The following PDE9A variants were observed in gnomAD, a reference collection of about 807,000 sequenced individuals.
PDE9A encodes the protein phosphodiesterase 9A, also known as high affinity cGMP-specific 3',5'-cyclic phosphodiesterase 9A.
A neutral mutation model predicts 87.4 loss-of-function variants in PDE9A; 60 were observed. That is an observed-to-expected ratio of 0.69 (90% CI 0.56 to 0.85). PDE9A has a LOEUF of 0.85. Ranked by LOEUF, PDE9A falls within the 40% of genes least tolerant of loss-of-function variation. The pLI is 0.00. For synonymous variants in PDE9A, 272 were observed against 279.4 expected (o/e 0.97, Z 0.27); for missense variants, 665 against 779.0 (o/e 0.85, Z 1.74).
intron 3 of PDE9A, among the ~76,000 whole-genome samples, chr21:42,689,370 C>T (rs571022170): frequency 3.3e-5 from 5 of 152,364 alleles, no homozygotes; most frequent in Admixed American, 3.3e-4. Context: ...TCCAGACTCC[C>T]CGGAAGGTGC....
chr21:42,664,123 G>A (rs1170638630), intron 1 of PDE9A, among the ~76,000 whole-genome samples: 1 of 152,258 alleles, frequency 6.6e-6, no homozygotes, highest in East Asian at 1.9e-4. Flanking sequence ...GGAGTGCCAG[G>A]CTTGGCTTCT....
intron 10 of PDE9A, chr21:42,758,775 T>G: frequency 3.9e-6 from 2 of 511,176 alleles, no homozygotes; most frequent in Non-Finnish European, 7.1e-6. Context: ...CAGTGTGCTC[T>G]CAAACCCCCA....
chr21:42,693,472 G>T (rs944963794), intron 3 of PDE9A, among the ~76,000 whole-genome samples: 8 of 150,676 alleles, frequency 5.3e-5, no homozygotes, highest in African/African-American at 2.0e-4. Flanking sequence ...CTAATTTTTT[G>T]TGTTTTTAGT....
intron 4 of PDE9A, among the ~76,000 whole-genome samples, chr21:42,717,476 G>A (rs1265559783): frequency 6.7e-6 from 1 of 150,190 alleles, no homozygotes; most frequent in African/African-American, 2.4e-5. Context: ...CCCAGGAGGT[G>A]GAGGTTGCAG....
At position 42,732,233 on chromosome 21, in the gene PDE9A, T is replaced by C. The variant is rs1602329022; in HGVS notation, c.497+109T>C. Reference sequence around the variant, plus strand: ...TGGCCTTGGCCGGCAAGCGTGGCTGTCTCACCTGCCTGGAGGAGCTGCCCG... The same window carrying C: ...TGGCCTTGGCCGGCAAGCGTGGCTGCCTCACCTGCCTGGAGGAGCTGCCCG... On this transcript the variant is annotated intron_variant, in intron 6 of 19. Transcript: ENST00000291539. 10 of 1,060,774 alleles carry C rather than the reference T, an allele frequency of 9.4e-6. No homozygotes were observed. The East Asian group carries it at 2.5e-4, about 27-fold the overall frequency. The allele number at this position is 1,060,774 out of a possible 1,614,324, so 65.7% of individuals were successfully genotyped here.
chr21:42,658,579 G>A (rs768305131), intron 1 of PDE9A, among the ~76,000 whole-genome samples: 19 of 152,172 alleles, frequency 1.2e-4, no homozygotes, highest in African/African-American at 2.2e-4. Flanking sequence ...CAGCCCACAC[G>A]CGCAGTGCCC....
chr21:42,689,253 G>C (rs149878506), intron 3 of PDE9A, among the ~76,000 whole-genome samples: 1 of 152,344 alleles, frequency 6.6e-6, no homozygotes, highest in African/African-American at 2.4e-5. Flanking sequence ...GTCACCTTGA[G>C]GCCTCAGCCG....
At chr21:42,687,845 C>T (rs2059560864) in intron 2 of PDE9A, 72 bp from the exon 3 acceptor site, 2 of 1,297,012 alleles carry the variant, frequency 1.5e-6, no homozygotes, top group Admixed American at 1.7e-5. Flanking sequence ...GGCTCTGGCC[C>T]CATGTGTACA....
chr21:42,654,164 A>G (rs1408265681), intron 1 of PDE9A, among the ~76,000 whole-genome samples: 1 of 152,088 alleles, frequency 6.6e-6, no homozygotes, highest in Non-Finnish European at 1.5e-5. Context: ...TTTACATTCA[A>G]GGGCTGGCAC....
At chr21:42,689,537 A>G in intron 3 of PDE9A, 1 of 985,422 alleles carries the variant, frequency 1.0e-6, no homozygotes, top group Non-Finnish European at 1.2e-6. Context: ...ACCTCACAGA[A>G]ACCAGCACCT....
intron 14 of PDE9A, among the ~76,000 whole-genome samples, chr21:42,763,470 T>C (rs34929113): frequency 0.084 from 12,721 of 152,102 alleles, 786 homozygotes; most frequent in African/African-American, 0.18. Flanking sequence ...AGCCCCAAAC[T>C]AAGGGACTTC....
intron 6 of PDE9A, 98 bp downstream of exon 6, chr21:42,732,222 A>T: frequency 8.3e-7 from 1 of 1,199,562 alleles, no homozygotes; most frequent in South Asian, 1.3e-5. Flanking sequence ...CTTGGCCGGC[A>T]AGCGTGGCTG....
intron 7 of PDE9A, among the ~76,000 whole-genome samples, chr21:42,740,613 G>GAATGGATA (rs1469748663): frequency 5.0e-5 from 6 of 118,998 alleles, no homozygotes; most frequent in Non-Finnish European, 9.3e-5. Flanking sequence ...ATGGATGGAT[G>GAATGGATA]GATGGATGGA....
chr21:42,751,291 C>A, intron 9 of PDE9A, 94 bp downstream of exon 9: 1 of 895,026 alleles, frequency 1.1e-6, no homozygotes, highest in South Asian at 1.3e-5. Flanking sequence ...GCTGTGTGTA[C>A]GTTCACATCA....
At chr21:42,771,113 G>T (rs964653440) in intron 18 of PDE9A, among the ~76,000 whole-genome samples, 2 of 152,194 alleles carry the variant, frequency 1.3e-5, no homozygotes, top group African/African-American at 4.8e-5. Context: ...TGTATCAGCC[G>T]CCGTTAGAGC....
At chr21:42,656,383 C>T (rs769571347) in intron 1 of PDE9A, among the ~76,000 whole-genome samples, 4 of 152,206 alleles carry the variant, frequency 2.6e-5, no homozygotes, top group Non-Finnish European at 5.9e-5. Context: ...CCCCTGAGAC[C>T]GCAGAGACGG....
chr21:42,714,174 G>A (rs1350946762), intron 4 of PDE9A, among the ~76,000 whole-genome samples: 3 of 151,608 alleles, frequency 2.0e-5, no homozygotes, highest in Admixed American at 1.3e-4. Flanking sequence ...GCCCACCACC[G>A]TGCCTGGCTA....
At chr21:42,685,850 C>A (rs1045027016) in intron 1 of PDE9A, among the ~76,000 whole-genome samples, 1 of 152,136 alleles carries the variant, frequency 6.6e-6, no homozygotes, top group African/African-American at 2.4e-5. Context: ...CTTGAAGACC[C>A]GGTGCCAAGC....
At chr21:42,717,931 G>GT (rs1462202696) in intron 4 of PDE9A, among the ~76,000 whole-genome samples, 1 of 148,164 alleles carries the variant, frequency 6.7e-6, no homozygotes, top group Non-Finnish European at 1.5e-5. Context: ...GTTTTGTTTT[G>GT]TTTTTGAGAT....
Sources: allele counts gnomAD v4.1 joint callset (sites outside exome capture counted in the v4.1 genomes callset), GRCh38; gene constraint gnomAD v4.1.1; transcripts MANE v1.5; gene names NCBI Gene and HGNC (gene_info 2026-07-23, HGNC 2026-07-21).